ZNF77: variants seen among roughly 807,000 people sequenced by gnomAD.
ZNF77 encodes ZNFpT1.
ZNF77 carries 15 observed loss-of-function variants against 13.5 expected under a neutral mutation model. The ratio of observed to expected loss-of-function variants is 1.11; its 90% CI spans 0.74 to 1.71. The LOEUF is 1.71. ZNF77 is among the 40% of genes most tolerant of loss of function. ZNF77 has a pLI of 0.00. For synonymous variants in ZNF77, 282 were observed against 250.0 expected, an observed-to-expected ratio of 1.13 and a Z score of -1.21; for missense variants, 717 against 676.4, an observed-to-expected ratio of 1.06 and a Z score of -0.67.
rs1360718969 is a variant in ZNF77, at chr19:2,933,791, T to C, written c.1336A>G (p.Ser446Gly). The change falls in exon 4 of 4, where the codon AGC becomes GGC. Residue 446 changes from serine to glycine, a missense_variant. Ser to Gly is a moderately conservative substitution (Grantham distance 56). Transcript: ENST00000314531. ...TGCTCTCGAAGGGAGGAGTGACAGCTGAAGGCTTTCCCACAATGCTTACAC... is the reference window on the plus strand; with the variant it reads ...TGCTCTCGAAGGGAGGAGTGACAGCCGAAGGCTTTCCCACAATGCTTACAC... The part of the protein sequence containing the change: ...FECKHCGKAF[S>G]CHSSLREHVR... 1.2e-6 allele frequency: 2 copies of C among 1,613,408 alleles called. No individual in the cohort carries two copies. Among genetic ancestry groups the C allele is most frequent in the Middle Eastern group, 1.7e-4 (1 of 6,060 alleles).
intron 1 of ZNF77, among the ~76,000 whole-genome samples, 174 bp downstream of exon 1, chr19:2,944,664 A>G (rs1246089828): frequency 6.6e-6 from 1 of 151,936 alleles, no homozygotes; most frequent in Non-Finnish European, 1.5e-5. Flanking sequence ...GTCACCCCAG[A>G]CTGCCCCCAG....
chr19:2,943,769 G>C (rs1455643645), intron 1 of ZNF77, among the ~76,000 whole-genome samples: 1 of 146,484 alleles, frequency 6.8e-6, no homozygotes, highest in African/African-American at 2.5e-5. Context: ...GAGTGCAGCG[G>C]CGCCATGTCG....
rs1315732500 is a variant in ZNF77, at chr19:2,934,764, C to A, written c.363G>T (p.Glu121Asp). 17 of 1,613,872 alleles carry A rather than the reference C, an allele frequency of 1.1e-5. No homozygotes were observed. Among genetic ancestry groups the A allele is most frequent in the Non-Finnish European group, 1.4e-5 (17 of 1,179,924 alleles). ...CESNEGHQCG[E>D]TLSQTANLLV... ...GAAGGTTCGCAGTCTGGCTCAAGGT[C>A]TCTCCGCATTGATGACCTTCATTAC... Residue 121 changes from glutamate (E) to aspartate (D), a missense_variant, in exon 4 of 4, where the codon GAG (glutamate) becomes GAT (aspartate). Transcript: ENST00000314531.
intron 2 of ZNF77, among the ~76,000 whole-genome samples, chr19:2,939,059 C>T (rs140348764): frequency 0.024 from 2,118 of 89,768 alleles, 6 homozygotes; most frequent in African/African-American, 0.092. Context: ...GAGGGAATGA[C>T]GCCATCCTTA....
Position 2,933,355 on chromosome 19 carries a change from CCTA to C in ZNF77, c.*131_*133del. 9.3e-7 allele frequency: 1 copy of C among 1,077,160 alleles called. No individual in the cohort carries two copies. The highest frequency in any genetic ancestry group is 2.5e-5 in the East Asian group (1 of 40,740). The allele number at this position is 1,077,160 out of a possible 1,614,324, so 66.7% of individuals were successfully genotyped here. ...TTAATCATAATTAAGAGATTTCTCT[CCTA>C]CTCTGAATTTTTAGGTACAAAATAA... On this transcript the variant is annotated 3_prime_UTR_variant, in exon 4 of 4. Transcript: ENST00000314531.
At chr19:2,940,671 C>T (rs1465166026) in intron 1 of ZNF77, among the ~76,000 whole-genome samples, 1 of 75,994 alleles carries the variant, frequency 1.3e-5, no homozygotes. Flanking sequence ...GTCTCCATCA[C>T]AAAAAAGAAA....
intron 1 of ZNF77, among the ~76,000 whole-genome samples, chr19:2,940,933 G>C (rs2144968556): frequency 6.6e-6 from 1 of 152,188 alleles, no homozygotes; most frequent in African/African-American, 2.4e-5. Context: ...CCAGCACTTT[G>C]GGAGACTGAG....
intron 2 of ZNF77, 90 bp from the exon 3 acceptor site, chr19:2,936,794 CA>C: frequency 8.5e-7 from 1 of 1,180,060 alleles, no homozygotes; most frequent in Non-Finnish European, 1.2e-6. Flanking sequence ...TATAGTAATC[CA>C]AAAATGTACC....
chr19:2,939,665 A>G (rs890532328), intron 1 of ZNF77: 4 of 460,058 alleles, frequency 8.7e-6, no homozygotes, highest in African/African-American at 7.9e-5. Flanking sequence ...GTGGGGAAAC[A>G]CTGAAAAATC....
rs747168418 is a variant in ZNF77 at position 2,936,624 on chromosome 19, T to C, written c.211A>G (p.Ile71Val). ...FGNGISNDEE[I>V]VKFTGSDSWS... ...GAATCACTTCCTGTGAACTTTACAATCTCTTCATCATTGGATATTCCATTC... is the reference window on the plus strand; with the variant it reads ...GAATCACTTCCTGTGAACTTTACAACCTCTTCATCATTGGATATTCCATTC... The change falls in exon 3 of 4, where the codon ATT (isoleucine) becomes GTT (valine). Residue 71 changes from isoleucine (I) to valine (V), a missense_variant. Transcript: ENST00000314531. 1.3e-4 allele frequency: 206 copies of C among 1,611,858 alleles called. 1 individual carries two copies. The highest frequency in any genetic ancestry group is 4.9e-4 in the Middle Eastern group (3 of 6,082).
chr19:2,934,287 G>T lies in ZNF77; in HGVS notation c.840C>A (p.Pro280=). 6.2e-7 allele frequency: 1 copy of T among 1,613,440 alleles called. No homozygotes were observed. Among genetic ancestry groups the T allele is most frequent in the Non-Finnish European group, 8.5e-7 (1 of 1,179,482 alleles). The stretch of plus-strand genomic sequence containing the variant: ...TTCTGACATGTTCTCGAAAGTATGA[G>T]GGACAGCTGAAGGCTTTCCCACACT... ...CKECGKAFSC[P]SYFREHVRTH... The change falls in exon 4 of 4, where the codon CCC becomes CCA. Residue 280 remains proline, a synonymous_variant. Transcript: ENST00000314531.
chr19:2,934,358 G>T lies in ZNF77; in HGVS notation c.769C>A (p.Arg257=). ...TCTCCTGTGTGAGTTCTTACGTGCC[G>T]TGTAAGGTAGGAGTAATACATAAAG... ...KTFMYYSYLT[R]HVRTHTGEKP... Residue 257 remains arginine (R), a synonymous_variant, in exon 4 of 4, where the codon CGG becomes AGG. Transcript: ENST00000314531. 1 of 1,614,156 alleles carries T rather than the reference G, an allele frequency of 6.2e-7. No individual in the cohort carries two copies. Among genetic ancestry groups the T allele is most frequent in the African/African-American group, 1.3e-5 (1 of 75,034 alleles).
chr19:2,944,293 A>C (rs2088477154), intron 1 of ZNF77, among the ~76,000 whole-genome samples: 1 of 91,626 alleles, frequency 1.1e-5, no homozygotes, highest in African/African-American at 4.4e-5. Context: ...CAAACTCCCG[A>C]CTGCAGCTAC....
rs771056511 is a variant in ZNF77 at position 2,933,459 on chromosome 19, C to T, written c.*30G>A. ...TTTACAACAAGGTTTTACGGTTGAA[C>T]ACTCTCCCAGGTCCACTGTATTCGT... On this transcript the variant is annotated 3_prime_UTR_variant, in exon 4 of 4. Coordinates refer to ENST00000314531, the MANE Select transcript of ZNF77 (RefSeq NM_021217.3). 8 of 1,513,568 alleles carry T rather than the reference C, an allele frequency of 5.3e-6. No homozygotes were observed. The highest frequency in any genetic ancestry group is 1.4e-5 in the South Asian group (1 of 72,614). 93.8% of individuals were successfully genotyped at this position (1,513,568 alleles called of 1,614,324 possible).
At chr19:2,936,852 C>A (rs1458375745) in intron 2 of ZNF77, 148 bp from the exon 3 acceptor site, 2 of 731,420 alleles carry the variant, frequency 2.7e-6, no homozygotes, top group Non-Finnish European at 4.3e-6. Flanking sequence ...ACTCTGAGGA[C>A]CTCATCTACT....
rs140137786 is a variant in ZNF77, at chr19:2,934,277, G to A, written c.850C>T (p.Arg284Ter). The A allele has an allele frequency of 2.3e-4, 376 of 1,613,316 alleles. 3 individuals are homozygous for A. The East Asian group carries it at 4.9e-3, about 21-fold the overall frequency. ...GKAFSCPSYFREHVRTHTGEK... is the reference protein window; with the variant it reads ...GKAFSCPSYF ...CCAGTGTGTGTTCTGACATGTTCTC[G>A]AAAGTATGAGGGACAGCTGAAGGCT... The change falls in exon 4 of 4, where the codon CGA becomes TGA. Residue 284 changes from arginine (R) to a stop codon, truncating the protein, a stop_gained. Coordinates refer to ENST00000314531, the MANE Select transcript of ZNF77 (RefSeq NM_021217.3). LOFTEE classifies it low-confidence loss of function (END_TRUNC).
chr19:2,941,459 AG>A (rs1431477251), intron 1 of ZNF77, among the ~76,000 whole-genome samples: 2 of 152,056 alleles, frequency 1.3e-5, no homozygotes, highest in African/African-American at 4.8e-5. Flanking sequence ...CCTGGGTGAC[AG>A]AGTGAGACTG....
chr19:2,944,817 C>T (rs1813160578), intron 1 of ZNF77, 21 bp downstream of exon 1: 6 of 1,514,806 alleles, frequency 4.0e-6, no homozygotes, highest in Admixed American at 4.1e-5. Flanking sequence ...GGCCCGGGCT[C>T]GGCTCCCGCC....
chr19:2,941,647 A>T (rs1182089760), intron 1 of ZNF77, among the ~76,000 whole-genome samples: 1 of 152,160 alleles, frequency 6.6e-6, no homozygotes, highest in Non-Finnish European at 1.5e-5. Context: ...TGCAGAAAAC[A>T]GGTATCAGTT....
Sources: allele counts gnomAD v4.1 joint callset (sites outside exome capture counted in the v4.1 genomes callset), GRCh38; gene constraint gnomAD v4.1.1; transcripts MANE v1.5; gene names NCBI Gene and HGNC (gene_info 2026-07-23, HGNC 2026-07-21).